The following PRUNE2 variants were observed in gnomAD, a reference collection of about 807,000 sequenced individuals.
PRUNE2 encodes protein prune homolog 2.
A neutral mutation model predicts 252.0 loss-of-function variants in PRUNE2; 164 were observed. The observed-to-expected ratio is 0.65, with a 90% confidence interval of 0.57 to 0.74. The LOEUF is 0.74. Ranked by LOEUF, PRUNE2 falls within the 30% of genes least tolerant of loss-of-function variation. The probability of loss-of-function intolerance (pLI) is 0.00; values close to 1 mark genes in which losing one functional copy is unlikely to be tolerated. For synonymous variants in PRUNE2, 1,292 were observed against 1,350.2 expected (o/e 0.96, Z 0.94); for missense variants, 3,495 against 3,711.0 (o/e 0.94, Z 1.51).
chr9:76,889,683 G>A (rs2062344525), intron 1 of PRUNE2, among the ~76,000 whole-genome samples: 1 of 152,142 alleles, frequency 6.6e-6, no homozygotes, highest in African/African-American at 2.4e-5. Flanking sequence ...AACAGACGCG[G>A]CACATCAGGC....
chr9:76,734,363 G>C (rs2048894564), intron 6 of PRUNE2, among the ~76,000 whole-genome samples: 1 of 152,094 alleles, frequency 6.6e-6, no homozygotes. Flanking sequence ...GAACCTACAG[G>C]AAAAAAGATG....
At chr9:76,864,164 A>C (rs539488703) in intron 1 of PRUNE2, among the ~76,000 whole-genome samples, 3 of 152,220 alleles carry the variant, frequency 2.0e-5, no homozygotes, top group Admixed American at 6.5e-5. Flanking sequence ...AGCTGGATGG[A>C]GGACATTATC....
In PRUNE2 at chr9:76,656,541, C is replaced by T. The variant is rs1437469806; in HGVS notation, c.8277-1039G>A. 2.0e-5 allele frequency among the ~76,000 whole-genome samples: 3 copies of T among 152,166 alleles called. No individual in the cohort carries two copies. The East Asian group carries it at 5.8e-4, about 29-fold the overall frequency. On this transcript the variant is annotated intron_variant, in intron 9 of 18. Coordinates refer to ENST00000376718, the MANE Select transcript of PRUNE2 (RefSeq NM_015225.3). ...TGCTTCTCCAGGATGCAAGTCAAAT[C>T]CCCTACTGTCAATAAAGCACTATGA...
intron 6 of PRUNE2, among the ~76,000 whole-genome samples, chr9:76,766,115 G>A (rs1269350308): frequency 2.0e-5 from 3 of 151,494 alleles, no homozygotes; most frequent in South Asian, 2.1e-4. Flanking sequence ...CCCTGGAGGC[G>A]GAGGTTGCAG....
intron 16 of PRUNE2, 52 bp downstream of exon 16, chr9:76,629,140 G>T: frequency 1.7e-6 from 2 of 1,144,580 alleles, no homozygotes; most frequent in East Asian, 2.4e-5. Context: ...ACCACACCCA[G>T]CCTCAAACTA....
At chr9:76,720,416 C>T (rs115010221) in intron 6 of PRUNE2, among the ~76,000 whole-genome samples, 3,451 of 152,256 alleles carry the variant, frequency 0.023, 117 homozygotes, top group African/African-American at 0.076. Flanking sequence ...GAGGTTAACC[C>T]TCGCTGTGAC....
chr9:76,903,957 A>C (rs1024808779), intron 1 of PRUNE2, among the ~76,000 whole-genome samples: 1 of 152,232 alleles, frequency 6.6e-6, no homozygotes, highest in Admixed American at 6.5e-5. Flanking sequence ...TTTTTCTCCA[A>C]GAAAAAGGTT....
chr9:76,803,197 G>T (rs1023057646), intron 6 of PRUNE2, among the ~76,000 whole-genome samples: 1 of 152,162 alleles, frequency 6.6e-6, no homozygotes, highest in Non-Finnish European at 1.5e-5. Flanking sequence ...TGATATCATG[G>T]TCTCACACAC....
rs1170899729 is a variant in PRUNE2, at chr9:76,894,716, G to GAAAAAAAAAAAAAAAAAAA, written c.36+11211_36+11212insTTTTTTTTTTTTTTTTTTT. On this transcript the variant is annotated intron_variant, in intron 1 of 18. Transcript: ENST00000376718. ...TGCACCCTTTCATTAATTTTCTGCA[G>GAAAAAAAAAAAAAAAAAAA]CAAAAAAAAAAAAAAAGGACCAGCC... Among the ~76,000 whole-genome samples the GAAAAAAAAAAAAAAAAAAA allele has an allele frequency of 2.2e-4, 24 of 110,696 alleles. 1 individual carries two copies. The highest frequency in any genetic ancestry group is 6.4e-4 in the East Asian group (3 of 4,662). The allele number at this position is 110,696 out of a possible 152,430, so 72.6% of individuals were successfully genotyped here.
rs967043413 is a variant in PRUNE2 at position 76,754,738 on chromosome 9, G to A, written c.757-41017C>T. 5.3e-5 allele frequency among the ~76,000 whole-genome samples: 8 copies of A among 151,938 alleles called. No individual in the cohort carries two copies. The East Asian group carries it at 1.3e-3, about 26-fold the overall frequency. On this transcript the variant is annotated intron_variant, in intron 6 of 18. Coordinates refer to ENST00000376718, the MANE Select transcript of PRUNE2 (RefSeq NM_015225.3). Reference sequence around the variant, plus strand: ...ACCCAGCACTTTGGGAGGCCAAGGCGGGTAGATCACGAGATCAAGAGATGG... The same window carrying A: ...ACCCAGCACTTTGGGAGGCCAAGGCAGGTAGATCACGAGATCAAGAGATGG...
chr9:76,788,426 A>C (rs568108441), intron 6 of PRUNE2: 2 of 759,492 alleles, frequency 2.6e-6, no homozygotes, highest in East Asian at 4.9e-5. Context: ...CTTAAGGTGC[A>C]CTGTAGCACA....
intron 17 of PRUNE2, among the ~76,000 whole-genome samples, chr9:76,623,356 A>G (rs1250692375): frequency 6.7e-6 from 1 of 150,306 alleles, no homozygotes; most frequent in Non-Finnish European, 1.5e-5. Flanking sequence ...GTGCAGTGGC[A>G]TGATCTCGGC....
At chr9:76,861,569 C>G (rs1026270539) in intron 1 of PRUNE2, among the ~76,000 whole-genome samples, 1 of 152,132 alleles carries the variant, frequency 6.6e-6, no homozygotes, top group African/African-American at 2.4e-5. Context: ...TCCCCCCGGT[C>G]AGGCTTCTTG....
chr9:76,677,756 G>T (rs1360074336), intron 9 of PRUNE2, among the ~76,000 whole-genome samples: 1 of 152,076 alleles, frequency 6.6e-6, no homozygotes, highest in Admixed American at 6.5e-5. Context: ...AGGCCCCAGT[G>T]ACTTTCCTGG....
chr9:76,752,866 A>G (rs934058860), intron 6 of PRUNE2, among the ~76,000 whole-genome samples: 1 of 152,184 alleles, frequency 6.6e-6, no homozygotes. Context: ...GAATAACCCA[A>G]AGATTGGGTA....
intron 8 of PRUNE2, among the ~76,000 whole-genome samples, chr9:76,704,415 G>C (rs892843315): frequency 1.3e-5 from 2 of 151,994 alleles, no homozygotes; most frequent in Admixed American, 1.3e-4. Context: ...AGTAGACATG[G>C]GGTTTCACCA....
intron 1 of PRUNE2, among the ~76,000 whole-genome samples, chr9:76,904,154 C>T (rs1035840025): frequency 6.6e-5 from 10 of 151,610 alleles, no homozygotes; most frequent in African/African-American, 2.2e-4. Context: ...TTCCAAGAAA[C>T]GATAAAATTA....
At chr9:76,647,675 A>G (rs1205600350) in intron 11 of PRUNE2, among the ~76,000 whole-genome samples, 1 of 152,224 alleles carries the variant, frequency 6.6e-6, no homozygotes, top group Admixed American at 6.5e-5. Flanking sequence ...CTTAATACTC[A>G]ACAATAAGGC....
At position 76,637,406 on chromosome 9, in the gene PRUNE2, G is replaced by C; in HGVS notation, c.8963+12C>G. On this transcript the variant is annotated intron_variant, in intron 14 of 18. Transcript: ENST00000376718. ...AAATCAAAATAGTGATTAAATAATA[G>C]AGCCCACATACCGTCTGTCAATCAT... is the stretch of plus-strand genomic sequence containing the variant. 1 of 1,612,524 alleles carries C rather than the reference G, an allele frequency of 6.2e-7. No individual in the cohort carries two copies.
Sources: allele counts gnomAD v4.1 joint callset (sites outside exome capture counted in the v4.1 genomes callset), GRCh38; gene constraint gnomAD v4.1.1; transcripts MANE v1.5; gene names NCBI Gene and HGNC (gene_info 2026-07-23, HGNC 2026-07-21).